Variants in RARB observed in about 807,000 individuals in gnomAD.
RARB encodes retinoic acid receptor beta, also known as HBV-activated protein.
Under a neutral mutation model 51.9 loss-of-function variants are expected in RARB, and 17 were observed. That is an observed-to-expected ratio of 0.33 (90% CI 0.22 to 0.49). RARB has a LOEUF of 0.49. Ranked by LOEUF, RARB falls within the 20% of genes least tolerant of loss-of-function variation. The pLI, the probability that RARB is intolerant of heterozygous loss-of-function variation, is 0.99. For synonymous variants in RARB, 215 were observed against 195.4 expected (o/e 1.10, Z -0.84); for missense variants, 369 against 550.8 (o/e 0.67, Z 3.30).
intron 5 of RARB, among the ~76,000 whole-genome samples, chr3:25,372,166 G>A (rs1706319453): frequency 6.6e-6 from 1 of 152,188 alleles, no homozygotes; most frequent in Non-Finnish European, 1.5e-5. Flanking sequence ...TTTTAAACAG[G>A]AGCATGACAT....
intron 5 of RARB, among the ~76,000 whole-genome samples, chr3:25,413,869 C>T (rs938637235): frequency 1.3e-5 from 2 of 152,062 alleles, no homozygotes; most frequent in Non-Finnish European, 2.9e-5. Flanking sequence ...ATATTTTGCT[C>T]AATACTATTT....
At chr3:24,912,838 T>C (rs1695018608) in intron 2 of RARB, among the ~76,000 whole-genome samples, 1 of 152,072 alleles carries the variant, frequency 6.6e-6, no homozygotes, top group African/African-American at 2.4e-5. Context: ...AGAAATGTTT[T>C]TCAAAGTGTA....
chr3:25,581,128 C>T (rs1467439192), intron 5 of RARB, among the ~76,000 whole-genome samples: 1 of 152,184 alleles, frequency 6.6e-6, no homozygotes, highest in Non-Finnish European at 1.5e-5. Context: ...GACACATAAA[C>T]ATTCAAGCTT....
intron 2 of RARB, among the ~76,000 whole-genome samples, chr3:24,876,734 G>A (rs559238192): frequency 6.6e-5 from 10 of 152,104 alleles, no homozygotes; most frequent in African/African-American, 2.2e-4. Context: ...TTAGCTTTGG[G>A]AAACAACCAA....
At chr3:24,891,458 C>T (rs1416892098) in intron 2 of RARB, among the ~76,000 whole-genome samples, 1 of 152,146 alleles carries the variant, frequency 6.6e-6, no homozygotes, top group African/African-American at 2.4e-5. Flanking sequence ...GTAGTGAGTA[C>T]TATGAGAAAC....
intron 5 of RARB, among the ~76,000 whole-genome samples, chr3:25,216,172 C>T (rs1460701967): frequency 1.3e-5 from 2 of 152,268 alleles, no homozygotes; most frequent in South Asian, 2.1e-4. Context: ...CTAGATGTTA[C>T]CAGACAGCCA....
intron 2 of RARB, among the ~76,000 whole-genome samples, chr3:24,896,242 A>G (rs11924369): frequency 0.1 from 15,327 of 151,934 alleles, 1,530 homozygotes; most frequent in East Asian, 0.31. Context: ...TAACAGGTAC[A>G]GAGATTTTTG....
At chr3:25,483,794 A>C (rs1575447453) in intron 2 of RARB, among the ~76,000 whole-genome samples, 1 of 152,326 alleles carries the variant, frequency 6.6e-6, no homozygotes, top group African/African-American at 2.4e-5. Context: ...TTGTACTGCC[A>C]TTTGCTGATA....
intron 1 of RARB, among the ~76,000 whole-genome samples, chr3:25,430,676 C>A: frequency 6.6e-6 from 1 of 152,122 alleles, no homozygotes; most frequent in Middle Eastern, 3.2e-3. Flanking sequence ...CTAAAACTAC[C>A]CGATAAGCAA....
chr3:25,386,739 T>C (rs1706806219), intron 5 of RARB, among the ~76,000 whole-genome samples: 1 of 152,190 alleles, frequency 6.6e-6, no homozygotes, highest in South Asian at 2.1e-4. Flanking sequence ...GGGCGATTGT[T>C]TGGCCACTAG....
At chr3:25,354,816 G>C (rs540634933) in intron 5 of RARB, among the ~76,000 whole-genome samples, 1 of 152,166 alleles carries the variant, frequency 6.6e-6, no homozygotes, top group East Asian at 1.9e-4. Context: ...GTCCTCCCTG[G>C]GGTTACTGAG....
intron 5 of RARB, among the ~76,000 whole-genome samples, chr3:25,363,023 G>T (rs1319456696): frequency 1.3e-5 from 2 of 152,066 alleles, no homozygotes; most frequent in African/African-American, 4.8e-5. Context: ...ATTGAAACAT[G>T]AAAGTTGAGT....
intron 5 of RARB, among the ~76,000 whole-genome samples, chr3:25,385,799 T>C (rs1485712697): frequency 6.6e-6 from 1 of 152,152 alleles, no homozygotes; most frequent in East Asian, 1.9e-4. Context: ...CTGAGTGGGA[T>C]TCTCTATCTT....
At chr3:25,115,158 G>A (rs984508835) in intron 3 of RARB, among the ~76,000 whole-genome samples, 1 of 152,082 alleles carries the variant, frequency 6.6e-6, no homozygotes, top group Non-Finnish European at 1.5e-5. Flanking sequence ...GCTAGCTCCA[G>A]GTCCCCAGAA....
chr3:25,551,100 G>A (rs1001241998), intron 3 of RARB, among the ~76,000 whole-genome samples: 1 of 152,126 alleles, frequency 6.6e-6, no homozygotes, highest in African/African-American at 2.4e-5. Context: ...ATCTTTGAAG[G>A]CTTGAAGGGC....
chr3:25,188,705 A>G (rs2125362005), intron 5 of RARB, among the ~76,000 whole-genome samples: 1 of 152,268 alleles, frequency 6.6e-6, no homozygotes, highest in South Asian at 2.1e-4. Context: ...TAATAATTAT[A>G]ACTACCATTT....
At chr3:25,236,807 G>A (rs1197206812) in intron 5 of RARB, among the ~76,000 whole-genome samples, 2 of 151,898 alleles carry the variant, frequency 1.3e-5, no homozygotes, top group African/African-American at 2.4e-5. Context: ...ATTTTATTAA[G>A]AGTGCTAGGA....
chr3:25,251,937 A>G (rs536065893), intron 5 of RARB, among the ~76,000 whole-genome samples: 1 of 152,240 alleles, frequency 6.6e-6, no homozygotes, highest in East Asian at 1.9e-4. Context: ...TTGCCTAACC[A>G]AAAGTCACAG....
At chr3:25,246,962 A>G (rs1379171102) in intron 5 of RARB, among the ~76,000 whole-genome samples, 1 of 152,014 alleles carries the variant, frequency 6.6e-6, no homozygotes, top group Non-Finnish European at 1.5e-5. Flanking sequence ...GGGAGAGGGG[A>G]GTTTCATCTA....
Sources: allele counts gnomAD v4.1 joint callset (sites outside exome capture counted in the v4.1 genomes callset), GRCh38; gene constraint gnomAD v4.1.1; transcripts MANE v1.5; gene names NCBI Gene and HGNC (gene_info 2026-07-23, HGNC 2026-07-21).